Variants in TMEM63C observed in about 807,000 individuals in gnomAD.
TMEM63C encodes the protein transmembrane protein 63C.
A neutral mutation model predicts 99.2 loss-of-function variants in TMEM63C; 32 were observed. The ratio of observed to expected loss-of-function variants is 0.32; its 90% CI spans 0.24 to 0.43. The LOEUF (loss-of-function observed/expected upper bound fraction) is 0.43, where lower values mean the gene tolerates loss of function less well. TMEM63C is among the 20% of genes least tolerant of loss of function. The pLI, the probability that TMEM63C is intolerant of heterozygous loss-of-function variation, is 1.00. For synonymous variants in TMEM63C, 376 were observed against 397.9 expected (o/e 0.94, Z 0.66); for missense variants, 826 against 1,053.0 (o/e 0.78, Z 2.98).
chr14:77,207,981 C>T (rs1888432341), intron 1 of TMEM63C, among the ~76,000 whole-genome samples: 2 of 152,176 alleles, frequency 1.3e-5, no homozygotes, highest in South Asian at 4.1e-4. Flanking sequence ...GCTGTGGAAC[C>T]AGCCCCCCAG....
intron 9 of TMEM63C, among the ~76,000 whole-genome samples, chr14:77,237,884 G>A (rs1889088425): frequency 6.6e-6 from 1 of 152,188 alleles, no homozygotes; most frequent in Admixed American, 6.5e-5. Context: ...CAGTGGTGTG[G>A]AATCAGCTCC....
intron 18 of TMEM63C, 51 bp downstream of exon 18, chr14:77,246,725 G>A (rs925586842): frequency 2.0e-6 from 3 of 1,486,908 alleles, no homozygotes; most frequent in African/African-American, 2.8e-5. Context: ...ACACAGGAGT[G>A]GTTATATGTG....
chr14:77,226,384 C>T (rs1018344592), intron 6 of TMEM63C, among the ~76,000 whole-genome samples: 1 of 152,238 alleles, frequency 6.6e-6, no homozygotes, highest in African/African-American at 2.4e-5. Flanking sequence ...AATGCGTTTA[C>T]TGAGCAGCAA....
At chr14:77,194,334 A>ATG (rs756163017) in intron 1 of TMEM63C, among the ~76,000 whole-genome samples, 3,349 of 71,646 alleles carry the variant, frequency 0.047, 37 homozygotes, top group East Asian at 0.1. Context: ...AGATATATAT[A>ATG]TATGTGTGTG....
intron 9 of TMEM63C, among the ~76,000 whole-genome samples, 190 bp from the exon 10 acceptor site, chr14:77,238,504 C>T (rs529829223): frequency 1.4e-4 from 22 of 152,338 alleles, no homozygotes; most frequent in African/African-American, 5.1e-4. Flanking sequence ...TGGGCTAAGG[C>T]AGCTGGCACT....
intron 2 of TMEM63C, among the ~76,000 whole-genome samples, chr14:77,215,614 A>AGAAAAGAAAAG (rs1555347249): frequency 1.6e-4 from 12 of 76,528 alleles, no homozygotes; most frequent in South Asian, 5.9e-4. Flanking sequence ...AAAAAAAAAA[A>AGAAAAGAAAAG]AAAAGAAAAG....
At position 77,236,704 on chromosome 14, in the gene TMEM63C, T is replaced by C; in HGVS notation, c.623T>C (p.Leu208Pro). The C allele has an allele frequency of 1.2e-6, 2 of 1,612,682 alleles. No individual in the cohort carries two copies. Among genetic ancestry groups the C allele is most frequent in the South Asian group, 1.1e-5 (1 of 91,062 alleles). The change falls in exon 9 of 24, where the codon CTG becomes CCG. Residue 208 changes from leucine (L) to proline (P), a missense_variant. Transcript: ENST00000298351. ...TTCATGTTCATGGCTCATCACTGCC[T>C]GGGGTTTGCACCCAGGAATAGCCAA... is the stretch of plus-strand genomic sequence containing the variant. ...TNFMFMAHHC[L>P]GFAPRNSQKV... is the part of the protein sequence containing the mutation.
At chr14:77,237,615 C>T (rs577634698) in intron 9 of TMEM63C, among the ~76,000 whole-genome samples, 73 of 152,320 alleles carry the variant, frequency 4.8e-4, no homozygotes, top group African/African-American at 1.6e-3. Flanking sequence ...CCCTGTCCAC[C>T]GTTCATTGAG....
chr14:77,223,374 C>G (rs383203), intron 5 of TMEM63C, among the ~76,000 whole-genome samples: 2 of 151,938 alleles, frequency 1.3e-5, no homozygotes, highest in African/African-American at 4.8e-5. Flanking sequence ...GGATGGGGAG[C>G]CTTCAGCCAG....
intron 10 of TMEM63C, 106 bp downstream of exon 10, chr14:77,238,873 C>A (rs1322503245): frequency 1.1e-6 from 1 of 881,126 alleles, no homozygotes; most frequent in Non-Finnish European, 1.8e-6. Flanking sequence ...GACTGGGACA[C>A]CCCGGGGTGG....
intron 1 of TMEM63C, among the ~76,000 whole-genome samples, chr14:77,194,557 T>TTTTCTTTCTG (rs1555346144): frequency 4.2e-5 from 5 of 118,556 alleles, no homozygotes; most frequent in Non-Finnish European, 6.8e-5. Context: ...TTCTTTCTCT[T>TTTTCTTTCTG]TCTTTCTTTC....
At chr14:77,244,947 C>T (rs2140128608) in intron 16 of TMEM63C, among the ~76,000 whole-genome samples, 1 of 152,340 alleles carries the variant, frequency 6.6e-6, no homozygotes, top group South Asian at 2.1e-4. Flanking sequence ...CATTTGTTAG[C>T]CTTGATGGTT....
intron 17 of TMEM63C, 128 bp from the exon 18 acceptor site, chr14:77,246,481 G>A: frequency 1.2e-6 from 1 of 802,880 alleles, no homozygotes; most frequent in Admixed American, 2.1e-5. Flanking sequence ...AAGAGGGGAA[G>A]TGTGGACTGG....
At chr14:77,208,910 C>T (rs1888449691) in intron 1 of TMEM63C, among the ~76,000 whole-genome samples, 1 of 152,182 alleles carries the variant, frequency 6.6e-6, no homozygotes, top group South Asian at 2.1e-4. Context: ...CAGCTGGACC[C>T]AGCCAGGGGC....
chr14:77,242,623 C>T (rs1200311435), intron 14 of TMEM63C, among the ~76,000 whole-genome samples, 154 bp downstream of exon 14: 1 of 152,230 alleles, frequency 6.6e-6, no homozygotes, highest in African/African-American at 2.4e-5. Flanking sequence ...TGTGTGTATG[C>T]CCAGACTCAT....
chr14:77,251,117 T>A (rs2140132535), intron 21 of TMEM63C, among the ~76,000 whole-genome samples: 1 of 152,320 alleles, frequency 6.6e-6, no homozygotes, highest in African/African-American at 2.4e-5. Flanking sequence ...CCTAGGTTGT[T>A]AAAAGACTGA....
rs994971460 is a variant in TMEM63C, at chr14:77,242,591, T to C, written c.1187+122T>C. On this transcript the variant is annotated intron_variant, in intron 14 of 23. Coordinates refer to ENST00000298351, the MANE Select transcript of TMEM63C (RefSeq NM_020431.4). The stretch of plus-strand genomic sequence containing the variant: ...GAGACTCCAAGGGGACTAAGTTCCA[T>C]GCTCTCCTAAGCACCACAACCTGTG... The C allele has an allele frequency of 3.7e-6, 5 of 1,340,126 alleles. No individual in the cohort carries two copies. In the African/African-American group the frequency reaches 7.2e-5, roughly 19 times the overall value. 83.0% of individuals were successfully genotyped at this position (1,340,126 alleles called of 1,614,324 possible). A position where few individuals can be genotyped will look rare whatever the true frequency, so the allele number is the denominator to read the frequency against.
rs1888648669 is a variant in TMEM63C, at chr14:77,219,377, T to C, written c.151-121T>C. On this transcript the variant is annotated intron_variant, in intron 3 of 23. Coordinates refer to ENST00000298351, the MANE Select transcript of TMEM63C (RefSeq NM_020431.4). Reference sequence around the variant, plus strand: ...CCCTACTCCAACAGAGCTCACCTTCTAGTGGAGGAGCTCCCTGGGGACCTC... The same window carrying C: ...CCCTACTCCAACAGAGCTCACCTTCCAGTGGAGGAGCTCCCTGGGGACCTC... The C allele has an allele frequency of 3.1e-6, 3 of 953,536 alleles. No individual in the cohort carries two copies. In the Admixed American group the frequency reaches 5.8e-5, roughly 18 times the overall value. 59.1% of individuals were successfully genotyped at this position (953,536 alleles called of 1,614,324 possible).
chr14:77,252,086 T>C (rs1349186636), intron 22 of TMEM63C, among the ~76,000 whole-genome samples, 188 bp downstream of exon 22: 3 of 147,970 alleles, frequency 2.0e-5, no homozygotes, highest in Non-Finnish European at 3.0e-5. Flanking sequence ...CGTGCATGCG[T>C]GCATGCCTTG....
Sources: allele counts gnomAD v4.1 joint callset (sites outside exome capture counted in the v4.1 genomes callset), GRCh38; gene constraint gnomAD v4.1.1; transcripts MANE v1.5; gene names NCBI Gene and HGNC (gene_info 2026-07-23, HGNC 2026-07-21).